The following GMDS variants were observed in gnomAD, a reference collection of about 807,000 sequenced individuals.
The protein encoded by GMDS is GDP-mannose 4,6-dehydratase.
A neutral mutation model predicts 49.9 loss-of-function variants in GMDS; 20 were observed. The ratio of observed to expected loss-of-function variants is 0.40; its 90% CI spans 0.28 to 0.58. GMDS has a LOEUF of 0.58. Among genes scored for constraint, GMDS ranks in the 20% least tolerant of loss-of-function variants. The pLI, the probability that GMDS is intolerant of heterozygous loss-of-function variation, is 0.42. For synonymous variants in GMDS, 177 were observed against 178.6 expected (o/e 0.99, Z 0.07); for missense variants, 362 against 481.4 (o/e 0.75, Z 2.32).
intron 9 of GMDS, among the ~76,000 whole-genome samples, chr6:1,659,728 A>G (rs1284171026): frequency 3.3e-5 from 5 of 152,198 alleles, no homozygotes; most frequent in African/African-American, 1.2e-4. Flanking sequence ...CTGACCATGT[A>G]TCATAATAAA....
At chr6:1,664,461 G>C (rs1052205437) in intron 9 of GMDS, among the ~76,000 whole-genome samples, 1 of 152,212 alleles carries the variant, frequency 6.6e-6, no homozygotes, top group African/African-American at 2.4e-5. Context: ...CTTCAGAGGA[G>C]AGGAATTGTT....
chr6:2,086,158 T>A (rs1307609926), intron 4 of GMDS, among the ~76,000 whole-genome samples: 1 of 152,130 alleles, frequency 6.6e-6, no homozygotes, highest in Admixed American at 6.5e-5. Flanking sequence ...AGACATGACA[T>A]GTAGAACACC....
At chr6:1,947,971 G>A (rs957609602) in intron 6 of GMDS, among the ~76,000 whole-genome samples, 7 of 152,064 alleles carry the variant, frequency 4.6e-5, no homozygotes, top group African/African-American at 1.7e-4. Flanking sequence ...GTTGCGAGGT[G>A]GCACAAACTG....
chr6:1,647,842 C>T (rs901365290), intron 9 of GMDS, among the ~76,000 whole-genome samples: 14 of 152,180 alleles, frequency 9.2e-5, no homozygotes, highest in Admixed American at 3.3e-4. Context: ...CCGGACCTAC[C>T]GACACTGTAC....
intron 7 of GMDS, among the ~76,000 whole-genome samples, chr6:1,759,824 T>C (rs1382274422): frequency 1.3e-5 from 2 of 152,222 alleles, no homozygotes; most frequent in Non-Finnish European, 2.9e-5. Context: ...CCCCACACAC[T>C]GCTCTTGATG....
intron 7 of GMDS, among the ~76,000 whole-genome samples, chr6:1,798,863 G>A (rs1769839014): frequency 6.6e-6 from 1 of 152,130 alleles, no homozygotes. Flanking sequence ...TGACACACTG[G>A]TGGCAACACA....
chr6:2,045,441 T>C (rs1274895893), intron 4 of GMDS, among the ~76,000 whole-genome samples: 1 of 152,100 alleles, frequency 6.6e-6, no homozygotes, highest in Non-Finnish European at 1.5e-5. Flanking sequence ...GCTGTTTTTT[T>C]CTTTCTTGCT....
At chr6:1,817,250 T>G (rs1260102555) in intron 7 of GMDS, among the ~76,000 whole-genome samples, 1 of 151,988 alleles carries the variant, frequency 6.6e-6, no homozygotes, top group Non-Finnish European at 1.5e-5. Flanking sequence ...AGACTCGTCA[T>G]AAGTGTGTAA....
intron 1 of GMDS, among the ~76,000 whole-genome samples, chr6:2,158,333 T>C (rs1389000692): frequency 6.6e-6 from 1 of 152,212 alleles, no homozygotes; most frequent in Non-Finnish European, 1.5e-5. Context: ...ATGTAACTGC[T>C]CTGGGAGGGA....
chr6:1,804,103 G>A lies in GMDS; in HGVS notation c.772-61517C>T, dbSNP rs145682652. Among the ~76,000 whole-genome samples, 329 of 152,282 alleles carry A rather than the reference G, an allele frequency of 2.2e-3. 1 individual carries two copies. Among genetic ancestry groups the A allele is most frequent in the African/African-American group, 7.3e-3 (305 of 41,562 alleles). On this transcript the variant is annotated intron_variant, in intron 7 of 10. Transcript: ENST00000380815. The stretch of plus-strand genomic sequence containing the variant: ...TAAGGTGACTGCTCAAATTCAAGGC[G>A]AAACTTTAACCATTAATTTGTCGTT...
intron 4 of GMDS, among the ~76,000 whole-genome samples, chr6:2,045,321 T>C (rs1442857970): frequency 6.6e-6 from 1 of 151,986 alleles, no homozygotes; most frequent in Non-Finnish European, 1.5e-5. Flanking sequence ...TATTTTAAAT[T>C]CATTAATTAT....
At position 1,732,368 on chromosome 6, in the gene GMDS, G is replaced by A. The variant is rs570488973; in HGVS notation, c.891-5856C>T. 1.3e-5 allele frequency among the ~76,000 whole-genome samples: 2 copies of A among 152,168 alleles called. 1 individual carries two copies. The highest frequency in any genetic ancestry group is 4.2e-4 in the South Asian group (2 of 4,808). On this transcript the variant is annotated intron_variant, in intron 8 of 10. Coordinates refer to ENST00000380815, the MANE Select transcript of GMDS (RefSeq NM_001500.4). Reference sequence around the variant, plus strand: ...AAATAAAAAAAGATAAAATACATGTGGTTTACTGGAATGCATAGCATTCGT... The same window carrying A: ...AAATAAAAAAAGATAAAATACATGTAGTTTACTGGAATGCATAGCATTCGT...
intron 4 of GMDS, among the ~76,000 whole-genome samples, chr6:2,011,535 T>C (rs977976954): frequency 4.6e-5 from 7 of 152,194 alleles, no homozygotes; most frequent in Admixed American, 2.6e-4. Flanking sequence ...AGTAAAGATG[T>C]GGAAACAACA....
At position 1,640,101 on chromosome 6, in the gene GMDS, A is replaced by G. The variant is rs1193638819; in HGVS notation, c.988-15561T>C. Among the ~76,000 whole-genome samples the G allele has an allele frequency of 6.6e-6, 1 of 152,126 alleles. No individual in the cohort carries two copies. Among genetic ancestry groups the G allele is most frequent in the Non-Finnish European group, 1.5e-5 (1 of 68,008 alleles). Reference sequence around the variant, plus strand: ...CCACTGCACAGTCAGTGACGGCTCTACTGGGGCCCAGGGGATGCAGTTAGA... The same window carrying G: ...CCACTGCACAGTCAGTGACGGCTCTGCTGGGGCCCAGGGGATGCAGTTAGA... On this transcript the variant is annotated intron_variant, in intron 9 of 10. Coordinates refer to ENST00000380815, the MANE Select transcript of GMDS (RefSeq NM_001500.4). The surrounding 1 kb of genome is among the most constrained non-coding windows in gnomAD (Gnocchi z 4.0).
intron 6 of GMDS, among the ~76,000 whole-genome samples, chr6:1,941,349 C>A (rs1222170784): frequency 1.3e-5 from 2 of 151,432 alleles, no homozygotes; most frequent in African/African-American, 4.8e-5. Flanking sequence ...GGTCAGAGAA[C>A]CAAATACACT....
intron 7 of GMDS, among the ~76,000 whole-genome samples, chr6:1,902,611 A>G (rs1016080435): frequency 6.6e-6 from 1 of 152,194 alleles, no homozygotes; most frequent in Admixed American, 6.5e-5. Context: ...TTAAATTGAT[A>G]CTTCAACCAC....
intron 4 of GMDS, among the ~76,000 whole-genome samples, chr6:1,971,626 A>G (rs1343361169): frequency 2.0e-5 from 3 of 152,090 alleles, no homozygotes; most frequent in Non-Finnish European, 4.4e-5. Context: ...CAATCCCCAA[A>G]CGCACCCTGC....
At chr6:2,090,083 T>C (rs546824242) in intron 4 of GMDS, among the ~76,000 whole-genome samples, 12 of 152,238 alleles carry the variant, frequency 7.9e-5, no homozygotes, top group Non-Finnish European at 1.5e-4. Context: ...TTCCCACAAG[T>C]ATCAGCCTGA....
chr6:1,936,903 G>A (rs1413002680), intron 6 of GMDS, among the ~76,000 whole-genome samples: 1 of 150,482 alleles, frequency 6.6e-6, no homozygotes, highest in African/African-American at 2.5e-5. Context: ...GGAGGTGGAG[G>A]TTGCAGTGAG....
Sources: gnomAD v4.1 joint callset for allele counts (sites outside exome capture counted in the v4.1 genomes callset) on GRCh38, gnomAD v4.1.1 for gene constraint, Gnocchi (gnomAD v3.1) non-coding constraint, MANE v1.5 for transcripts, NCBI Gene and HGNC (gene_info 2026-07-23, HGNC 2026-07-21) for gene names.